The following PCDH11X variants were observed in gnomAD, a reference collection of about 807,000 sequenced individuals.
The protein encoded by PCDH11X is protocadherin 11 X-linked, also known as protocadherin-11 X-linked.
A neutral mutation model predicts 53.3 loss-of-function variants in PCDH11X; 18 were observed. The observed-to-expected ratio is 0.34, with a 90% CI of 0.23 to 0.50. The LOEUF is 0.50. Among genes scored for constraint, PCDH11X ranks in the 20% least tolerant of loss-of-function variants. PCDH11X has a pLI of 0.98. For synonymous variants in PCDH11X, 279 were observed against 393.3 expected, an observed-to-expected ratio of 0.71 and a Z score of 3.44; for missense variants, 570 against 1,032.4, an observed-to-expected ratio of 0.55 and a Z score of 6.14.
At chrX:92,591,592 G>A (rs1182798609) in intron 10 of PCDH11X, among the ~76,000 whole-genome samples, 1 of 111,382 alleles carries the variant, frequency 9.0e-6, no homozygotes, top group Non-Finnish European at 1.9e-5. Flanking sequence ...CTAGATAAAG[G>A]TTTCTTCTTG....
At chrX:92,094,714 G>C (rs1170448241) in intron 6 of PCDH11X, among the ~76,000 whole-genome samples, 2 of 111,574 alleles carry the variant, frequency 1.8e-5, no homozygotes, top group Non-Finnish European at 3.8e-5. Flanking sequence ...AGGACAGTTG[G>C]ATTTTAACAA....
At chrX:92,617,038 C>A (rs928464255) in intron 10 of PCDH11X, among the ~76,000 whole-genome samples, 1 of 109,992 alleles carries the variant, frequency 9.1e-6, no homozygotes, top group Non-Finnish European at 1.9e-5. Context: ...ATTTCTTTTT[C>A]TTGCTTTATT....
At chrX:92,316,327 T>C (rs2069075610) in intron 8 of PCDH11X, among the ~76,000 whole-genome samples, 1 of 111,223 alleles carries the variant, frequency 9.0e-6, no homozygotes, top group South Asian at 3.8e-4. Context: ...TCGCATAAGA[T>C]GCTGAGAAAT....
intron 6 of PCDH11X, among the ~76,000 whole-genome samples, chrX:92,073,413 T>C (rs2063731069): frequency 8.9e-6 from 1 of 112,542 alleles, no homozygotes; most frequent in Non-Finnish European, 1.9e-5. Context: ...CAGAAAAGTG[T>C]GTATTGTCCT....
intron 10 of PCDH11X, among the ~76,000 whole-genome samples, chrX:92,566,121 G>A (rs189810924): frequency 0.014 from 1,528 of 109,226 alleles, 29 homozygotes; most frequent in African/African-American, 0.048. Context: ...TTGGCTTTTT[G>A]TGGTGGTTGC....
At chrX:92,414,727 T>TA (rs11369347) in intron 9 of PCDH11X, among the ~76,000 whole-genome samples, 28,185 of 107,083 alleles carry the variant, frequency 0.26, 4,249 homozygotes, top group African/African-American at 0.56. Flanking sequence ...AATCACTATT[T>TA]AAAAAAAAAA....
chrX:92,104,913 C>G (rs1391819522), intron 6 of PCDH11X, among the ~76,000 whole-genome samples: 1 of 110,403 alleles, frequency 9.1e-6, no homozygotes, highest in Non-Finnish European at 1.9e-5. Flanking sequence ...CCTAGGAAAG[C>G]GGGACTTGCC....
intron 9 of PCDH11X, among the ~76,000 whole-genome samples, chrX:92,407,978 G>A (rs945541051): frequency 9.2e-6 from 1 of 108,715 alleles, no homozygotes. Flanking sequence ...CTCTGCCTCC[G>A]GGTTCAAGCA....
chrX:92,259,890 G>T (rs1256887679), intron 7 of PCDH11X, among the ~76,000 whole-genome samples: 1 of 111,262 alleles, frequency 9.0e-6, no homozygotes, highest in Non-Finnish European at 1.9e-5. Context: ...AAATATTGCT[G>T]GGGAGTTAGG....
chrX:91,871,947 A>G (rs1239327637), intron 5 of PCDH11X, among the ~76,000 whole-genome samples: 1 of 111,297 alleles, frequency 9.0e-6, no homozygotes, highest in Non-Finnish European at 1.9e-5. Flanking sequence ...CATGACCTCA[A>G]CCTGAATTGG....
chrX:92,444,986 C>T (rs1302987077), intron 9 of PCDH11X, among the ~76,000 whole-genome samples: 1 of 95,791 alleles, frequency 1.0e-5, no homozygotes, highest in Non-Finnish European at 2.1e-5. Flanking sequence ...ATTTTCATGT[C>T]TGTGTTTATC....
chrX:92,041,883 C>T (rs779001833), intron 6 of PCDH11X, among the ~76,000 whole-genome samples: 2 of 111,751 alleles, frequency 1.8e-5, no homozygotes, highest in East Asian at 2.8e-4. Flanking sequence ...GCAGGAGAAT[C>T]GCTTGAACCC....
At chrX:92,598,204 A>T (rs1322733714) in intron 10 of PCDH11X, among the ~76,000 whole-genome samples, 1 of 111,250 alleles carries the variant, frequency 9.0e-6, no homozygotes, top group Non-Finnish European at 1.9e-5. Flanking sequence ...TCCAGTTAAG[A>T]AGCTTCTGCA....
intron 8 of PCDH11X, among the ~76,000 whole-genome samples, chrX:92,271,944 T>C (rs2067969775): frequency 8.9e-6 from 1 of 112,331 alleles, no homozygotes; most frequent in South Asian, 3.7e-4. Context: ...TTTATTAATG[T>C]CCAGAGAAAT....
intron 10 of PCDH11X, among the ~76,000 whole-genome samples, chrX:92,554,771 A>G (rs1438813781): frequency 9.1e-6 from 1 of 110,192 alleles, no homozygotes; most frequent in Non-Finnish European, 1.9e-5. Context: ...GTCATTTTCT[A>G]TATGGCATAT....
At chrX:92,305,105 C>T (rs1428924264) in intron 8 of PCDH11X, among the ~76,000 whole-genome samples, 1 of 111,294 alleles carries the variant, frequency 9.0e-6, no homozygotes, top group African/African-American at 3.3e-5. Flanking sequence ...TTTACTAAGA[C>T]TGCACTTAGC....
At chrX:92,240,906 G>T (rs767405429) in intron 7 of PCDH11X, among the ~76,000 whole-genome samples, 5 of 109,461 alleles carry the variant, frequency 4.6e-5, no homozygotes, top group African/African-American at 1.3e-4. Context: ...TTAGAACTCT[G>T]TCTCTATGTC....
intron 8 of PCDH11X, among the ~76,000 whole-genome samples, chrX:92,276,455 CAGCTT>C (rs1379846304): frequency 1.0e-4 from 11 of 110,290 alleles, no homozygotes; most frequent in Admixed American, 8.8e-4. Context: ...AGATGGGACA[CAGCTT>C]AGGAGGAATC....
At chrX:92,401,823 G>A (rs2071394498) in intron 9 of PCDH11X, among the ~76,000 whole-genome samples, 1 of 111,868 alleles carries the variant, frequency 8.9e-6, no homozygotes, top group African/African-American at 3.2e-5. Flanking sequence ...AAATTACTAT[G>A]GATCAAATGA....
Sources: gnomAD v4.1 joint callset for allele counts (sites outside exome capture counted in the v4.1 genomes callset) on GRCh38, gnomAD v4.1.1 for gene constraint, MANE v1.5 for transcripts, NCBI Gene and HGNC (gene_info 2026-07-23, HGNC 2026-07-21) for gene names.